The following KIF26B variants were observed in gnomAD, a reference collection of about 807,000 sequenced individuals.
KIF26B encodes kinesin-like protein KIF26B.
KIF26B carries 63 observed loss-of-function variants against 151.2 expected under a neutral mutation model. The observed-to-expected ratio is 0.42, with a 90% CI of 0.34 to 0.51. The LOEUF (loss-of-function observed/expected upper bound fraction) is 0.51, where lower values mean the gene tolerates loss of function less well. KIF26B is among the 20% of genes least tolerant of loss of function. The pLI, the probability that KIF26B is intolerant of heterozygous loss-of-function variation, is 0.07. For synonymous variants in KIF26B, 1,357 were observed against 1,262.1 expected (o/e 1.08, Z -1.59); for missense variants, 2,813 against 2,913.6 (o/e 0.97, Z 0.79).
At chr1:245,382,626 T>C (rs2103018173) in intron 3 of KIF26B, among the ~76,000 whole-genome samples, 1 of 152,256 alleles carries the variant, frequency 6.6e-6, no homozygotes, top group South Asian at 2.1e-4. Context: ...TGCAGTGCAA[T>C]GGCACAATCT....
rs1660116344 is a variant in KIF26B at position 245,479,540 on chromosome 1, AG to A, written c.1166+59797del. ...ACCTTGGTTTGTGATCAGTGTGTAA[AG>A]GAGGAGGAATGGTTGTTTGGTTGAG... On this transcript the variant is annotated intron_variant, in intron 4 of 14. Transcript: ENST00000407071. 4.0e-5 allele frequency among the ~76,000 whole-genome samples: 6 copies of A among 151,768 alleles called. 1 individual carries two copies.
intron 3 of KIF26B, among the ~76,000 whole-genome samples, chr1:245,378,287 G>A (rs1673323337): frequency 7.1e-6 from 1 of 141,758 alleles, no homozygotes; most frequent in African/African-American, 2.6e-5. Flanking sequence ...ACTAGTAATA[G>A]TTACTTACCA....
Position 245,683,382 on chromosome 1 carries a change from T to G in KIF26B, c.2259-851T>G, listed in dbSNP as rs192994217. 6.8e-4 allele frequency among the ~76,000 whole-genome samples: 103 copies of G among 152,148 alleles called. 2 individuals are homozygous for G. In the East Asian group the frequency reaches 0.013, roughly 19 times the overall value. On this transcript the variant is annotated intron_variant, in intron 10 of 14. Transcript: ENST00000407071. ...ATTTGGCAGCAGTTGAGAGTATGAG[T>G]GCTGTTGATGAAATAAACAGAGGCC...
At chr1:245,425,857 G>A (rs2971998) in intron 4 of KIF26B, among the ~76,000 whole-genome samples, 17,333 of 152,250 alleles carry the variant, frequency 0.11, 1,188 homozygotes, top group African/African-American at 0.18. Flanking sequence ...GTTCCATGGC[G>A]TTGGTGAGCA....
At chr1:245,240,358 C>T (rs1670193221) in intron 2 of KIF26B, among the ~76,000 whole-genome samples, 1 of 152,040 alleles carries the variant, frequency 6.6e-6, no homozygotes, top group Non-Finnish European at 1.5e-5. Flanking sequence ...ATCAGTCGCA[C>T]CTTAGTGTAT....
intron 2 of KIF26B, among the ~76,000 whole-genome samples, chr1:245,366,542 G>GAA (rs11362225): frequency 4.9e-5 from 7 of 143,296 alleles, no homozygotes; most frequent in African/African-American, 1.8e-4. Flanking sequence ...AAAAAAAAAA[G>GAA]AAAAAAAAAA....
chr1:245,501,325 C>T (rs550929556), intron 4 of KIF26B, among the ~76,000 whole-genome samples: 2 of 152,096 alleles, frequency 1.3e-5, no homozygotes, highest in African/African-American at 2.4e-5. Context: ...GTCACAGAGT[C>T]GTAATGAGGG....
At chr1:245,693,195 G>C (rs548524804) in intron 12 of KIF26B, among the ~76,000 whole-genome samples, 1 of 152,102 alleles carries the variant, frequency 6.6e-6, no homozygotes. Context: ...GAGCACCTTG[G>C]TCTGAATTAA....
intron 4 of KIF26B, among the ~76,000 whole-genome samples, chr1:245,455,912 G>C (rs1659508527): frequency 6.6e-6 from 1 of 152,120 alleles, no homozygotes; most frequent in Non-Finnish European, 1.5e-5. Flanking sequence ...AAAATGAAGA[G>C]CCACTTCTAG....
chr1:245,551,179 G>A lies in KIF26B; in HGVS notation c.1350+10229G>A, dbSNP rs371502877. ...TCCCACCTCAGCCTCTCAGGTAGCT[G>A]GGACCACATTAGCCACCATGCCCTG... is the stretch of plus-strand genomic sequence containing the variant. On this transcript the variant is annotated intron_variant, in intron 5 of 14. Coordinates refer to ENST00000407071, the MANE Select transcript of KIF26B (RefSeq NM_018012.4). 1.2e-4 allele frequency among the ~76,000 whole-genome samples: 18 copies of A among 152,104 alleles called. 1 individual carries two copies. Among genetic ancestry groups the A allele is most frequent in the Admixed American group, 7.9e-4 (12 of 15,266 alleles).
chr1:245,590,608 A>T (rs2043277389), intron 5 of KIF26B, among the ~76,000 whole-genome samples: 1 of 152,090 alleles, frequency 6.6e-6, no homozygotes, highest in Admixed American at 6.5e-5. Context: ...ACCCGCGTCT[A>T]TAAAAACTGG....
chr1:245,465,496 C>T (rs192781899), intron 4 of KIF26B, among the ~76,000 whole-genome samples: 2 of 152,128 alleles, frequency 1.3e-5, no homozygotes, highest in Non-Finnish European at 2.9e-5. Context: ...TTCTATCGAC[C>T]AAAGGATGGA....
intron 2 of KIF26B, among the ~76,000 whole-genome samples, chr1:245,277,379 T>C (rs200522498): frequency 6.6e-6 from 1 of 152,220 alleles, no homozygotes; most frequent in South Asian, 2.1e-4. Flanking sequence ...TCTACGGCTG[T>C]TATCCACATA....
intron 2 of KIF26B, among the ~76,000 whole-genome samples, chr1:245,222,716 TAG>T (rs1037315232): frequency 1.3e-5 from 2 of 152,132 alleles, no homozygotes; most frequent in Non-Finnish European, 2.9e-5. Flanking sequence ...GGATAAACAA[TAG>T]AGTTTTTCAC....
intron 2 of KIF26B, among the ~76,000 whole-genome samples, chr1:245,328,731 C>T (rs1037179742): frequency 2.0e-5 from 3 of 152,198 alleles, no homozygotes; most frequent in Non-Finnish European, 2.9e-5. Flanking sequence ...CTGGTCACAA[C>T]GCCTGGTCTC....
rs59391704 is a variant in KIF26B at position 245,337,134 on chromosome 1, T to TTTTA, written c.466-29662_466-29659dup. Among the ~76,000 whole-genome samples the TTTTA allele has an allele frequency of 5.6e-3, 837 of 148,232 alleles. 4 individuals carry two copies. The highest frequency in any genetic ancestry group is 0.01 in the Middle Eastern group (3 of 288). On this transcript the variant is annotated intron_variant, in intron 2 of 14. Transcript: ENST00000407071. Reference sequence around the variant, plus strand: ...GGAGGATGTGGAGAGCATTTAGAAGTTTTATTTATTTATTTATTTATTTAT... The same window carrying TTTTA: ...GGAGGATGTGGAGAGCATTTAGAAGTTTTATTTATTTATTTATTTATTTATTTAT...
intron 9 of KIF26B, among the ~76,000 whole-genome samples, chr1:245,628,858 T>C (rs909346993): frequency 5.9e-5 from 9 of 152,176 alleles, no homozygotes; most frequent in African/African-American, 1.7e-4. Flanking sequence ...AACTATATCA[T>C]TGGAGCCCAA....
At chr1:245,550,106 C>A (rs924133711) in intron 5 of KIF26B, among the ~76,000 whole-genome samples, 2 of 152,182 alleles carry the variant, frequency 1.3e-5, no homozygotes, top group African/African-American at 4.8e-5. Flanking sequence ...GTGCTAGAGA[C>A]AAATTTCCTG....
chr1:245,277,948 C>T (rs1371403989), intron 2 of KIF26B, among the ~76,000 whole-genome samples: 2 of 152,036 alleles, frequency 1.3e-5, no homozygotes, highest in Non-Finnish European at 2.9e-5. Context: ...CAAATAATTT[C>T]GTCATAGGCT....
Sources: allele counts gnomAD v4.1 joint callset (sites outside exome capture counted in the v4.1 genomes callset), GRCh38; gene constraint gnomAD v4.1.1; transcripts MANE v1.5; gene names NCBI Gene and HGNC (gene_info 2026-07-23, HGNC 2026-07-21).